The following ADSS2 variants were observed in gnomAD, a reference collection of about 807,000 sequenced individuals.
ADSS2 encodes adenylosuccinate synthase 2.
A neutral mutation model predicts 60.0 loss-of-function variants in ADSS2; 30 were observed. The ratio of observed to expected loss-of-function variants is 0.50; its 90% CI spans 0.37 to 0.68. The LOEUF (loss-of-function observed/expected upper bound fraction) is 0.68. Ranked by LOEUF, ADSS2 falls within the 30% of genes least tolerant of loss-of-function variation. ADSS2 has a pLI of 0.00. For missense variants in ADSS2, 373 were observed against 554.8 expected (o/e 0.67, Z 3.29); for synonymous variants, 187 against 193.1 (o/e 0.97, Z 0.26).
At chr1:244,442,304 TA>T (rs1665268741) in intron 1 of ADSS2, among the ~76,000 whole-genome samples, 3 of 152,058 alleles carry the variant, frequency 2.0e-5, no homozygotes, top group South Asian at 2.1e-4. Context: ...TGGATGACTT[TA>T]GGGGGAAAAA....
At chr1:244,442,924 G>A (rs1391291303) in intron 1 of ADSS2, among the ~76,000 whole-genome samples, 1 of 152,124 alleles carries the variant, frequency 6.6e-6, no homozygotes. Context: ...GTAAAACAAA[G>A]CATTTCAAAT....
At chr1:244,440,676 A>C (rs930903186) in intron 1 of ADSS2, among the ~76,000 whole-genome samples, 3 of 152,232 alleles carry the variant, frequency 2.0e-5, no homozygotes, top group African/African-American at 7.2e-5. Flanking sequence ...TAAGACAACC[A>C]GTTAGCACAA....
At position 244,451,730 on chromosome 1, in the gene ADSS2, C is replaced by T. The variant is rs1490815303; in HGVS notation, c.88G>A (p.Val30Met). 6.2e-7 allele frequency: 1 copy of T among 1,610,288 alleles called. No individual in the cohort carries two copies. The highest frequency in any genetic ancestry group is 8.5e-7 in the Non-Finnish European group (1 of 1,178,560). Residue 30 changes from valine (V) to methionine (M), a missense_variant, in exon 1 of 13, where the codon GTG becomes ATG. Val to Met is a conservative substitution (Grantham distance 21). This residue lies in a region of ADSS2 where 47 missense variants were observed against 48.3 expected (regional missense o/e 0.97). Coordinates refer to ENST00000366535, the MANE Select transcript of ADSS2 (RefSeq NM_001126.5). The surrounding 1 kb of genome is among the most constrained non-coding windows in gnomAD (Gnocchi z 6.6). ...CACTGCGCACCGAGCACCACCGTCA[C>T]CCGGTTTCCTCCGGGCCGCGCCCTG... is the stretch of plus-strand genomic sequence containing the variant. ...RPRARPGGNRVTVVLGAQWGD... is the reference protein window; with the variant it reads ...RPRARPGGNRMTVVLGAQWGD...
chr1:244,450,134 C>G (rs1186260618), intron 1 of ADSS2, among the ~76,000 whole-genome samples: 1 of 152,174 alleles, frequency 6.6e-6, no homozygotes, highest in East Asian at 1.9e-4. Flanking sequence ...CAAGAAAGCT[C>G]GGTATTCGGA....
chr1:244,423,885 C>T, intron 6 of ADSS2, 68 bp downstream of exon 6: 1 of 1,258,406 alleles, frequency 7.9e-7, no homozygotes, highest in Non-Finnish European at 1.1e-6. Flanking sequence ...TATCATTTTG[C>T]ACCCTAGATT....
chr1:244,425,984 G>A (rs1664794072), intron 4 of ADSS2, among the ~76,000 whole-genome samples: 1 of 152,108 alleles, frequency 6.6e-6, no homozygotes, highest in African/African-American at 2.4e-5. Flanking sequence ...TTTTAAAAGT[G>A]TGAAATGGTC....
chr1:244,437,782 TA>T lies in ADSS2; in HGVS notation c.184-15del, dbSNP rs774267632. Reference sequence around the variant, plus strand: ...ATTATTTCCTCCCTAAAATGTAAGATAGGGGAAAATTGAGCCTGATGATAAA... The same window carrying T: ...ATTATTTCCTCCCTAAAATGTAAGATGGGGAAAATTGAGCCTGATGATAAA... On this transcript the variant is annotated splice_polypyrimidine_tract_variant and intron_variant, in intron 1 of 12. Transcript: ENST00000366535. 1.9e-6 allele frequency: 3 copies of T among 1,545,906 alleles called. No homozygotes were observed. Among genetic ancestry groups the T allele is most frequent in the South Asian group, 2.2e-5 (2 of 89,592 alleles).
chr1:244,446,051 T>C (rs12047803), intron 1 of ADSS2, among the ~76,000 whole-genome samples: 1 of 152,162 alleles, frequency 6.6e-6, no homozygotes, highest in Non-Finnish European at 1.5e-5. Flanking sequence ...AGCAGCAGTG[T>C]CTCAGATCCC....
chr1:244,424,210 C>G (rs1268452683), intron 5 of ADSS2, 111 bp downstream of exon 5: 13 of 1,261,776 alleles, frequency 1.0e-5, no homozygotes, highest in Non-Finnish European at 1.4e-5. Flanking sequence ...CTGATTTTCT[C>G]TAAAACAGGA....
rs141058535 is a variant in ADSS2, at chr1:244,418,115, A to G, written c.946-363T>C. ...GAAAACCATAAGGCAAATGTATCTAATAAGTCATTGATATCATAATGCCCT... is the reference window on the plus strand; with the variant it reads ...GAAAACCATAAGGCAAATGTATCTAGTAAGTCATTGATATCATAATGCCCT... On this transcript the variant is annotated intron_variant, in intron 9 of 12. Transcript: ENST00000366535. Among the ~76,000 whole-genome samples, 26 of 152,334 alleles carry G rather than the reference A, an allele frequency of 1.7e-4. No homozygotes were observed. The East Asian group carries it at 4.6e-3, about 27-fold the overall frequency.
intron 4 of ADSS2, among the ~76,000 whole-genome samples, chr1:244,427,592 G>C (rs1664837075): frequency 6.6e-6 from 1 of 151,932 alleles, no homozygotes; most frequent in Non-Finnish European, 1.5e-5. Context: ...TAAATCTAAA[G>C]ACACAGATAC....
Position 244,417,590 on chromosome 1 carries a change from A to G in ADSS2, c.1070+38T>C, listed in dbSNP as rs1404026919. 3 of 1,605,956 alleles carry G rather than the reference A, an allele frequency of 1.9e-6. No individual in the cohort carries two copies. The Admixed American group carries it at 5.0e-5, about 27-fold the overall frequency. On this transcript the variant is annotated intron_variant, in intron 10 of 12. Coordinates refer to ENST00000366535, the MANE Select transcript of ADSS2 (RefSeq NM_001126.5). ...TTAAACCTATGGCCATTAATCATCT[A>G]TGATTTCCTGAAATAAATGTTTCTG...
chr1:244,426,378 C>T (rs1664803353), intron 4 of ADSS2, among the ~76,000 whole-genome samples: 1 of 152,096 alleles, frequency 6.6e-6, no homozygotes, highest in Non-Finnish European at 1.5e-5. Flanking sequence ...AGAACTAATG[C>T]TTTCCTTGGT....
At chr1:244,411,177 C>G in intron 12 of ADSS2, 110 bp downstream of exon 12, 2 of 1,129,100 alleles carry the variant, frequency 1.8e-6, no homozygotes, top group Non-Finnish European at 2.4e-6. Context: ...GCCGAGATCC[C>G]GCCACTGCAC....
At chr1:244,436,156 A>C (rs1665096717) in intron 3 of ADSS2, among the ~76,000 whole-genome samples, 1 of 152,194 alleles carries the variant, frequency 6.6e-6, no homozygotes, top group Admixed American at 6.5e-5. Context: ...TTGTGGTGTC[A>C]TGTCTGTGTT....
At chr1:244,412,308 T>G (rs543787509) in intron 11 of ADSS2, among the ~76,000 whole-genome samples, 1 of 152,342 alleles carries the variant, frequency 6.6e-6, no homozygotes, top group South Asian at 2.1e-4. Flanking sequence ...AGTGCACTTA[T>G]GAGCTAACCC....
At chr1:244,413,617 C>T (rs1260665704) in intron 11 of ADSS2, among the ~76,000 whole-genome samples, 1 of 152,150 alleles carries the variant, frequency 6.6e-6, no homozygotes, top group African/African-American at 2.4e-5. Flanking sequence ...CAGCGCCAGG[C>T]ATCAGACAGG....
At chr1:244,436,996 C>A in intron 2 of ADSS2, 103 bp from the exon 3 acceptor site, 2 of 896,986 alleles carry the variant, frequency 2.2e-6, no homozygotes, top group Non-Finnish European at 1.7e-6. Context: ...AGAAATGATT[C>A]CAAGTTTTAC....
At chr1:244,433,165 G>A (rs1418116532) in intron 3 of ADSS2, among the ~76,000 whole-genome samples, 1 of 152,150 alleles carries the variant, frequency 6.6e-6, no homozygotes, top group South Asian at 2.1e-4. Context: ...GAACCCAGGA[G>A]GCAGAGGTTG....
Sources: allele counts gnomAD v4.1 joint callset (sites outside exome capture counted in the v4.1 genomes callset), GRCh38; gene constraint gnomAD v4.1.1; regional missense constraint gnomAD v4.1.1; non-coding constraint Gnocchi (gnomAD v3.1); transcripts MANE v1.5; gene names NCBI Gene and HGNC (gene_info 2026-07-23, HGNC 2026-07-21).